The following BOD1L1 variants were observed in gnomAD, a reference collection of about 807,000 sequenced individuals.
BOD1L1 encodes biorientation of chromosomes in cell division 1 like 1.
Under a neutral mutation model 240.7 loss-of-function variants are expected in BOD1L1, and 86 were observed. That is an observed-to-expected ratio of 0.36 (90% confidence interval 0.30 to 0.43). The LOEUF (loss-of-function observed/expected upper bound fraction) is 0.43. Among genes scored for constraint, BOD1L1 ranks in the 20% least tolerant of loss-of-function variants. The pLI, the probability that BOD1L1 is intolerant of heterozygous loss-of-function variation, is 1.00. For missense variants in BOD1L1, 3,554 were observed against 3,643.5 expected, an observed-to-expected ratio of 0.98 and a Z score of 0.63; for synonymous variants, 1,268 against 1,272.3, an observed-to-expected ratio of 1.00 and a Z score of 0.07.
At chr4:13,616,797 A>C (rs1032913863) in intron 2 of BOD1L1, among the ~76,000 whole-genome samples, 4 of 152,236 alleles carry the variant, frequency 2.6e-5, no homozygotes, top group African/African-American at 9.6e-5. Flanking sequence ...AAAATGAGCC[A>C]ACTCAGCACA....
intron 22 of BOD1L1, 162 bp from the exon 23 acceptor site, chr4:13,577,793 C>CAGAG (rs1343053377): frequency 7.7e-6 from 4 of 519,564 alleles, no homozygotes; most frequent in Non-Finnish European, 1.3e-5. Flanking sequence ...GAATACCTAG[C>CAGAG]AGAGATCACA....
In BOD1L1 at chr4:13,573,442, G is replaced by GTCTATCTATCTATCTATCTATCTATCTA. The variant is rs1553830292; in HGVS notation, c.9039-3342_9039-3315dup. On this transcript the variant is annotated intron_variant, in intron 25 of 25. Transcript: ENST00000040738. ...TATCTGTCTGTCTGTCTGTCTGTCT[G>GTCTATCTATCTATCTATCTATCTATCTA]TCTATCTATCTATCTATCTATCTAT... Among the ~76,000 whole-genome samples, 1,155 of 120,788 alleles carry GTCTATCTATCTATCTATCTATCTATCTA rather than the reference G, an allele frequency of 9.6e-3. 5 individuals are homozygous for GTCTATCTATCTATCTATCTATCTATCTA. Among genetic ancestry groups the GTCTATCTATCTATCTATCTATCTATCTA allele is most frequent in the Middle Eastern group, 0.024 (5 of 210 alleles). The allele number at this position is 120,788 out of a possible 152,430, so 79.2% of individuals were successfully genotyped here.
chr4:13,580,047 T>C (rs994875669), intron 21 of BOD1L1, 74 bp from the exon 22 acceptor site: 33 of 1,087,822 alleles, frequency 3.0e-5, no homozygotes, highest in Non-Finnish European at 4.2e-5. Context: ...ATGCAATCAA[T>C]GATGTAAAGG....
Position 13,579,926 on chromosome 4 carries a change from A to G in BOD1L1, c.8749+2T>C. On this transcript the variant is annotated splice_donor_variant, in intron 22 of 25. Coordinates refer to ENST00000040738, the MANE Select transcript of BOD1L1 (RefSeq NM_148894.3). LOFTEE classifies it high-confidence loss of function. The stretch of plus-strand genomic sequence containing the variant: ...ACACAGAGGAATGCGGTAGGTACAT[A>G]CCTGTTTGCATTACTTTCAGTTTGC... 1 of 1,560,516 alleles carries G rather than the reference A, an allele frequency of 6.4e-7. No homozygotes were observed.
chr4:13,603,818 T>C lies in BOD1L1; in HGVS notation c.3082A>G (p.Ser1028Gly), dbSNP rs1395762545. 6.2e-7 allele frequency: 1 copy of C among 1,613,642 alleles called. No individual in the cohort carries two copies. ...DGHKSRSLKH[S>G]SKDIKKKDEN... ...TCCTTCTTTTTTATGTCTTTACTACTATGCTTTAAGCTTCTGCTTTTGTGG... is the reference window on the plus strand; with the variant it reads ...TCCTTCTTTTTTATGTCTTTACTACCATGCTTTAAGCTTCTGCTTTTGTGG... Residue 1028 changes from serine (S) to glycine (G), a missense_variant, in exon 10 of 26, where the codon AGT becomes GGT. Coordinates refer to ENST00000040738, the MANE Select transcript of BOD1L1 (RefSeq NM_148894.3).
chr4:13,600,508 G>A lies in BOD1L1; in HGVS notation c.6392C>T (p.Thr2131Ile). 1.9e-6 allele frequency: 3 copies of A among 1,614,022 alleles called. No individual in the cohort carries two copies. Among genetic ancestry groups the A allele is most frequent in the Non-Finnish European group, 2.5e-6 (3 of 1,179,904 alleles). Residue 2131 changes from threonine (T) to isoleucine (I), a missense_variant, in exon 10 of 26, where the codon ACT becomes ATT. Thr to Ile is a moderately conservative substitution (Grantham distance 89, BLOSUM62 -1). Coordinates refer to ENST00000040738, the MANE Select transcript of BOD1L1 (RefSeq NM_148894.3). ...ATCTTTCTCTTCACTTCTGCTGGCA[G>A]TGAGTTGGCTGTCATCTCCTGAGAC... ...SAVSGDDSQL[T>I]ASRSEEKDEC...
intron 15 of BOD1L1, 69 bp from the exon 16 acceptor site, chr4:13,587,840 C>T: frequency 2.9e-6 from 3 of 1,050,998 alleles, no homozygotes; most frequent in Non-Finnish European, 2.9e-6. Context: ...GAGGAGCACA[C>T]TGTACTAGAT....
At chr4:13,572,691 C>T in intron 25 of BOD1L1, 1 of 1,289,172 alleles carries the variant, frequency 7.8e-7, no homozygotes. Context: ...GAAGTGTAAG[C>T]AGGGACTTAC....
rs368791915 is a variant in BOD1L1 at position 13,599,147 on chromosome 4, T to C, written c.7753A>G (p.Ile2585Val). ...GCTACACTGTAAGTAGCTGGAGGGATCATTGTGTGGGAAGGAGCAATTTTT... is the reference window on the plus strand; with the variant it reads ...GCTACACTGTAAGTAGCTGGAGGGACCATTGTGTGGGAAGGAGCAATTTTT... ...ESKIAPSHTM[I>V]PPATYSVALL... The change falls in exon 10 of 26, where the codon ATC becomes GTC. Residue 2585 changes from isoleucine to valine, a missense_variant. This residue lies in a region of BOD1L1 where 3,393 missense variants were observed against 3,427.1 expected (regional missense o/e 0.99). Transcript: ENST00000040738. 1.9e-6 allele frequency: 3 copies of C among 1,613,892 alleles called. No homozygotes were observed. The African/African-American group carries it at 4.0e-5, about 22-fold the overall frequency.
At chr4:13,610,230 T>C (rs138168002) in intron 6 of BOD1L1, among the ~76,000 whole-genome samples, 3 of 152,362 alleles carry the variant, frequency 2.0e-5, no homozygotes, top group East Asian at 1.9e-4. Flanking sequence ...AAAGCTGTTA[T>C]TAATTCAGTG....
chr4:13,570,712 T>C (rs1712141129), intron 25 of BOD1L1, among the ~76,000 whole-genome samples: 1 of 152,198 alleles, frequency 6.6e-6, no homozygotes, highest in Non-Finnish European at 1.5e-5. Flanking sequence ...CATGTTACTG[T>C]CCTAGAGATG....
chr4:13,570,057 C>A lies in BOD1L1; in HGVS notation c.9110G>T (p.Gly3037Val). 1 of 1,606,488 alleles carries A rather than the reference C, an allele frequency of 6.2e-7. No individual in the cohort carries two copies. The highest frequency in any genetic ancestry group is 1.1e-5 in the South Asian group (1 of 89,934). ...EVSPPGARTR[G>V]QQRVEEAPVK... ...AGGGGCTTCCTCCACCCTTTGCTGG[C>A]CTCTTGTTCGGGCCCCAGGAGGGCT... The change falls in exon 26 of 26, where the codon GGC becomes GTC. Residue 3037 changes from glycine to valine, a missense_variant. Coordinates refer to ENST00000040738, the MANE Select transcript of BOD1L1 (RefSeq NM_148894.3).
Position 13,569,759 on chromosome 4 carries a change from T to C in BOD1L1, c.*252A>G. 3.5e-6 allele frequency: 1 copy of C among 288,908 alleles called. No individual in the cohort carries two copies. Among genetic ancestry groups the C allele is most frequent in the East Asian group, 6.3e-5 (1 of 15,782 alleles). The allele number at this position is 288,908 out of a possible 1,614,324, so 17.9% of individuals were successfully genotyped here. On this transcript the variant is annotated 3_prime_UTR_variant, in exon 26 of 26. Coordinates refer to ENST00000040738, the MANE Select transcript of BOD1L1 (RefSeq NM_148894.3). ...AATCCCAATTTTGAATGTTAAAATATACAACTACTTTGTTTTGAGTTCAGA... is the reference window on the plus strand; with the variant it reads ...AATCCCAATTTTGAATGTTAAAATACACAACTACTTTGTTTTGAGTTCAGA...
Position 13,582,098 on chromosome 4 carries a change from A to T in BOD1L1, c.8592+139T>A. On this transcript the variant is annotated intron_variant, in intron 19 of 25. Transcript: ENST00000040738. Reference sequence around the variant, plus strand: ...GACACTGATAAAATGCACTGTATGAAATGGTGTTCCATTGCACTAAAAAAA... The same window carrying T: ...GACACTGATAAAATGCACTGTATGATATGGTGTTCCATTGCACTAAAAAAA... The T allele has an allele frequency of 4.7e-6, 3 of 632,330 alleles. No homozygotes were observed. In the South Asian group the frequency reaches 6.0e-5, roughly 13 times the overall value. The allele number at this position is 632,330 out of a possible 1,614,324, so 39.2% of individuals were successfully genotyped here.
At chr4:13,573,438 G>GTCTATCTA (rs1403849969) in intron 25 of BOD1L1, among the ~76,000 whole-genome samples, 258 of 46,456 alleles carry the variant, frequency 5.6e-3, no homozygotes, top group South Asian at 0.018. Context: ...CTGTCTGTCT[G>GTCTATCTA]TCTGTCTATC....
chr4:13,615,289 G>A, intron 3 of BOD1L1, 23 bp downstream of exon 3: 2 of 1,577,894 alleles, frequency 1.3e-6, no homozygotes, highest in African/African-American at 1.4e-5. Context: ...CAATGGAACT[G>A]ACCAAGAGTA....
At position 13,599,336 on chromosome 4, in the gene BOD1L1, T is replaced by C; in HGVS notation, c.7564A>G (p.Ser2522Gly). 6.2e-7 allele frequency: 1 copy of C among 1,613,968 alleles called. No homozygotes were observed. The highest frequency in any genetic ancestry group is 8.5e-7 in the Non-Finnish European group (1 of 1,179,872). The change falls in exon 10 of 26, where the codon AGC (serine) becomes GGC (glycine). Residue 2522 changes from serine (S) to glycine (G), a missense_variant. Around this residue, in one of 2 missense-constraint regions of BOD1L1, gnomAD observed 3,393 missense variants for 3,427.1 expected, o/e 0.99. Transcript: ENST00000040738. ...TTTACTGCTGCCAAATAGCGAATGCTGACAGAGGGATCCTTAGCCGTCTGC... is the reference window on the plus strand; with the variant it reads ...TTTACTGCTGCCAAATAGCGAATGCCGACAGAGGGATCCTTAGCCGTCTGC... ...SGQTAKDPSV[S>G]IRYLAAVNTG...
intron 12 of BOD1L1, 52 bp from the exon 13 acceptor site, chr4:13,592,018 T>C (rs764518226): frequency 7.3e-7 from 1 of 1,370,782 alleles, no homozygotes; most frequent in Non-Finnish European, 1.0e-6. Context: ...GTTTCTGAAA[T>C]GCAGAGAAAC....
chr4:13,581,812 C>T (rs1713255743), intron 19 of BOD1L1, among the ~76,000 whole-genome samples: 1 of 152,184 alleles, frequency 6.6e-6, no homozygotes, highest in African/African-American at 2.4e-5. Flanking sequence ...GCCTCATGAA[C>T]TAGGTCCCCT....
Sources: gnomAD v4.1 joint callset for allele counts (sites outside exome capture counted in the v4.1 genomes callset) on GRCh38, gnomAD v4.1.1 for gene constraint, gnomAD v4.1.1 regional missense constraint, MANE v1.5 for transcripts, NCBI Gene and HGNC (gene_info 2026-07-23, HGNC 2026-07-21) for gene names.